The following CPPED1 variants were observed in gnomAD, a reference collection of about 807,000 sequenced individuals.
The protein encoded by CPPED1 is serine/threonine-protein phosphatase CPPED1.
CPPED1 carries 28 observed loss-of-function variants against 28.0 expected under a neutral mutation model. The observed-to-expected ratio is 1.00, with a 90% CI of 0.74 to 1.37. The LOEUF (loss-of-function observed/expected upper bound fraction) is 1.37. Ranked by LOEUF, CPPED1 falls within the 40% of genes most tolerant of loss-of-function variation. CPPED1 has a pLI of 0.00. For missense variants in CPPED1, 504 were observed against 416.5 expected, an observed-to-expected ratio of 1.21 and a Z score of -1.83; for synonymous variants, 198 against 180.2, an observed-to-expected ratio of 1.10 and a Z score of -0.79.
chr16:12,728,689 T>C (rs2080182017), intron 2 of CPPED1, among the ~76,000 whole-genome samples: 1 of 152,200 alleles, frequency 6.6e-6, no homozygotes, highest in Non-Finnish European at 1.5e-5. Flanking sequence ...GCTGACCAGG[T>C]GGCTGGGGCC....
At chr16:12,669,011 T>C (rs958464143) in intron 3 of CPPED1, among the ~76,000 whole-genome samples, 14 of 152,228 alleles carry the variant, frequency 9.2e-5, no homozygotes, top group Admixed American at 1.3e-4. Context: ...CATTTGCCCA[T>C]GCAAAAACTT....
intron 2 of CPPED1, among the ~76,000 whole-genome samples, chr16:12,728,564 G>A (rs1249336387): frequency 4.6e-5 from 7 of 152,012 alleles, no homozygotes; most frequent in African/African-American, 1.7e-4. Context: ...AATAAATCAT[G>A]AATATACTAG....
chr16:12,741,378 T>C (rs2080254550), intron 2 of CPPED1, among the ~76,000 whole-genome samples: 1 of 139,074 alleles, frequency 7.2e-6, no homozygotes, highest in African/African-American at 2.8e-5. Flanking sequence ...CACATGTGAG[T>C]GGAGAGAGAT....
At chr16:12,678,049 C>A (rs1163532167) in intron 3 of CPPED1, among the ~76,000 whole-genome samples, 3 of 152,154 alleles carry the variant, frequency 2.0e-5, no homozygotes, top group Admixed American at 1.3e-4. Flanking sequence ...TAAAGCATAC[C>A]ATTAAAAAGA....
At chr16:12,695,873 C>T (rs7193558) in intron 3 of CPPED1, among the ~76,000 whole-genome samples, 27,072 of 152,144 alleles carry the variant, frequency 0.18, 3,750 homozygotes, top group African/African-American at 0.38. Context: ...CTTTGCTCAA[C>T]TAAACTGTGA....
intron 2 of CPPED1, among the ~76,000 whole-genome samples, chr16:12,706,830 G>C (rs1047480706): frequency 6.6e-6 from 1 of 152,128 alleles, no homozygotes. Context: ...CCTGCTGCAG[G>C]GGTCAGCCAG....
At chr16:12,797,947 G>A (rs1163197479) in intron 1 of CPPED1, among the ~76,000 whole-genome samples, 23 of 151,890 alleles carry the variant, frequency 1.5e-4, no homozygotes, top group Admixed American at 1.5e-3. Flanking sequence ...GCCAGGCATG[G>A]TGGTGCACGC....
chr16:12,800,450 G>C (rs1281185157), intron 1 of CPPED1, among the ~76,000 whole-genome samples: 2 of 145,448 alleles, frequency 1.4e-5, no homozygotes, highest in East Asian at 2.0e-4. Context: ...AAAAAAAAAA[G>C]TAAACCATGG....
chr16:12,778,203 C>G (rs1410085086), intron 2 of CPPED1, among the ~76,000 whole-genome samples: 1 of 151,754 alleles, frequency 6.6e-6, no homozygotes, highest in Non-Finnish European at 1.5e-5. Context: ...AGCCACCATG[C>G]CTGGCCTTTC....
chr16:12,691,554 G>A (rs1487771310), intron 3 of CPPED1, among the ~76,000 whole-genome samples: 1 of 152,040 alleles, frequency 6.6e-6, no homozygotes, highest in Non-Finnish European at 1.5e-5. Flanking sequence ...CAAAGACTTG[G>A]AACCAACCCA....
At chr16:12,713,104 T>TA (rs5815714) in intron 2 of CPPED1, among the ~76,000 whole-genome samples, 3 of 150,236 alleles carry the variant, frequency 2.0e-5, no homozygotes, top group South Asian at 2.1e-4. Flanking sequence ...AATAAGTTCT[T>TA]AAAAAAAAAA....
In CPPED1 at chr16:12,704,756, G is replaced by A. The variant is rs775083202; in HGVS notation, c.583C>T (p.Arg195Trp). ...AAGACGATGGCATGCTGGCAGTGCC[G>A]CTGCCTCGCGATGCTCAGCTGCTCG... ...LDEQLSIARQ[R>W]HCQHAIVFQH... The change falls in exon 3 of 4, where the codon CGG becomes TGG. Residue 195 changes from arginine to tryptophan, a missense_variant. Arg to Trp is a moderately radical substitution (Grantham distance 101). Transcript: ENST00000381774. The A allele has an allele frequency of 6.2e-6, 10 of 1,614,160 alleles. No individual in the cohort carries two copies. The highest frequency in any genetic ancestry group is 3.3e-5 in the South Asian group (3 of 91,084).
chr16:12,685,902 A>G (rs539174600), intron 3 of CPPED1, among the ~76,000 whole-genome samples: 28 of 152,320 alleles, frequency 1.8e-4, no homozygotes, highest in African/African-American at 5.3e-4. Flanking sequence ...GGGGTTGTCA[A>G]TGTGAATGAA....
At chr16:12,688,796 G>A (rs903505883) in intron 3 of CPPED1, among the ~76,000 whole-genome samples, 1 of 152,146 alleles carries the variant, frequency 6.6e-6, no homozygotes, top group Admixed American at 6.5e-5. Context: ...AACATGTGCT[G>A]TCAAAGTTAA....
chr16:12,747,559 T>A (rs938987170), intron 2 of CPPED1, among the ~76,000 whole-genome samples: 1 of 152,016 alleles, frequency 6.6e-6, no homozygotes, highest in Non-Finnish European at 1.5e-5. Flanking sequence ...CTGAATAGCC[T>A]TGTAGCTATT....
chr16:12,687,162 C>T (rs2079937602), intron 3 of CPPED1, among the ~76,000 whole-genome samples: 1 of 152,152 alleles, frequency 6.6e-6, no homozygotes, highest in Non-Finnish European at 1.5e-5. Flanking sequence ...TTGACCTATA[C>T]TCACTCCACT....
At chr16:12,729,288 A>G (rs2080185506) in intron 2 of CPPED1, among the ~76,000 whole-genome samples, 1 of 152,314 alleles carries the variant, frequency 6.6e-6, no homozygotes, top group African/African-American at 2.4e-5. Context: ...ACCCAGGGAT[A>G]TTATTAATAT....
At chr16:12,745,245 G>C (rs1462572766) in intron 2 of CPPED1, among the ~76,000 whole-genome samples, 2 of 152,136 alleles carry the variant, frequency 1.3e-5, no homozygotes, top group African/African-American at 2.4e-5. Context: ...TGCGAGTTAT[G>C]AATTCACAGA....
chr16:12,743,667 A>C (rs1322710200), intron 2 of CPPED1, among the ~76,000 whole-genome samples: 1 of 152,230 alleles, frequency 6.6e-6, no homozygotes, highest in Non-Finnish European at 1.5e-5. Flanking sequence ...TGAGATGAAC[A>C]GAGAATGCAG....
Sources: allele counts gnomAD v4.1 joint callset (sites outside exome capture counted in the v4.1 genomes callset), GRCh38; gene constraint gnomAD v4.1.1; transcripts MANE v1.5; gene names NCBI Gene and HGNC (gene_info 2026-07-23, HGNC 2026-07-21).